Variants in RGL1 observed in about 807,000 individuals in gnomAD.
RGL1 encodes ral guanine nucleotide dissociation stimulator-like 1.
RGL1 carries 24 observed loss-of-function variants against 95.2 expected under a neutral mutation model. That is an observed-to-expected ratio of 0.25 (90% CI 0.18 to 0.35). The LOEUF is 0.35. RGL1 is among the 10% of genes least tolerant of loss of function. The pLI, the probability that RGL1 is intolerant of heterozygous loss-of-function variation, is 1.00. For missense variants in RGL1, 715 were observed against 936.3 expected, an observed-to-expected ratio of 0.76 and a Z score of 3.08; for synonymous variants, 329 against 344.9, an observed-to-expected ratio of 0.95 and a Z score of 0.51.
chr1:183,816,797 T>C (rs1662121391), intron 2 of RGL1, among the ~76,000 whole-genome samples: 1 of 152,188 alleles, frequency 6.6e-6, no homozygotes, highest in Admixed American at 6.5e-5. Flanking sequence ...CTTTGTTTTC[T>C]TCCCACTTGC....
chr1:183,764,408 G>T (rs1043545711), intron 2 of RGL1, among the ~76,000 whole-genome samples: 15 of 152,154 alleles, frequency 9.9e-5, no homozygotes, highest in African/African-American at 3.4e-4. Context: ...TGGGTGAGGG[G>T]TCTGGCATCC....
At chr1:183,737,481 G>A (rs998941549) in intron 1 of RGL1, among the ~76,000 whole-genome samples, 1 of 152,002 alleles carries the variant, frequency 6.6e-6, no homozygotes, top group African/African-American at 2.4e-5. Flanking sequence ...TAGGCACAGT[G>A]GCTCATGCCT....
intron 1 of RGL1, among the ~76,000 whole-genome samples, chr1:183,664,829 G>T (rs1033760936): frequency 1.3e-5 from 2 of 152,008 alleles, no homozygotes; most frequent in Non-Finnish European, 2.9e-5. Flanking sequence ...CATGTCATCT[G>T]CAAACAAAGA....
At chr1:183,846,518 C>T (rs997407557) in intron 2 of RGL1, among the ~76,000 whole-genome samples, 2 of 151,546 alleles carry the variant, frequency 1.3e-5, no homozygotes, top group African/African-American at 4.9e-5. Context: ...GCATATGTAT[C>T]CCAGCACTTA....
At chr1:183,693,373 G>A (rs994828207) in intron 1 of RGL1, among the ~76,000 whole-genome samples, 2 of 151,988 alleles carry the variant, frequency 1.3e-5, no homozygotes, top group African/African-American at 2.4e-5. Context: ...GAATGTCTTA[G>A]GTTGGTGGAA....
intron 12 of RGL1, among the ~76,000 whole-genome samples, chr1:183,903,975 T>C (rs1476243134): frequency 1.3e-5 from 2 of 152,190 alleles, no homozygotes; most frequent in East Asian, 3.8e-4. Context: ...AATCTACCAG[T>C]TCTTGAGTTA....
At chr1:183,697,407 C>T (rs1006701119) in intron 1 of RGL1, among the ~76,000 whole-genome samples, 2 of 152,086 alleles carry the variant, frequency 1.3e-5, no homozygotes, top group African/African-American at 4.8e-5. Flanking sequence ...TACTAGTGTG[C>T]AGTTTCCTCA....
chr1:183,837,446 GGA>G (rs1256725440), intron 2 of RGL1, among the ~76,000 whole-genome samples: 1 of 152,106 alleles, frequency 6.6e-6, no homozygotes, highest in Non-Finnish European at 1.5e-5. Context: ...GAAAAAGGAG[GGA>G]GCTATGAATT....
intron 2 of RGL1, among the ~76,000 whole-genome samples, chr1:183,826,076 C>T (rs4652827): frequency 0.67 from 99,994 of 150,076 alleles, 34,979 homozygotes; most frequent in Middle Eastern, 0.82. Flanking sequence ...TTTTTTGAGA[C>T]GGAGTCTCAC....
chr1:183,796,748 A>G (rs1259089869), intron 2 of RGL1, among the ~76,000 whole-genome samples: 1 of 152,212 alleles, frequency 6.6e-6, no homozygotes, highest in Non-Finnish European at 1.5e-5. Context: ...CTAATTGCCC[A>G]GTAACTCCTT....
intron 4 of RGL1, among the ~76,000 whole-genome samples, chr1:183,874,510 G>T (rs192798907): frequency 6.8e-6 from 1 of 146,650 alleles, no homozygotes; most frequent in South Asian, 2.2e-4. Flanking sequence ...TGCCGTGGAG[G>T]TTTTTTTTTT....
intron 3 of RGL1, among the ~76,000 whole-genome samples, chr1:183,855,867 A>G (rs903443951): frequency 3.9e-5 from 6 of 152,098 alleles, no homozygotes; most frequent in African/African-American, 1.4e-4. Context: ...AACTTCCATC[A>G]CTTACATAGG....
chr1:183,717,301 G>T (rs1337150268), intron 1 of RGL1, among the ~76,000 whole-genome samples: 2 of 152,152 alleles, frequency 1.3e-5, no homozygotes, highest in Non-Finnish European at 2.9e-5. Flanking sequence ...ATTGTTCCAA[G>T]TGTAGAAACC....
intron 1 of RGL1, among the ~76,000 whole-genome samples, chr1:183,674,087 A>T (rs868017374): frequency 6.6e-6 from 1 of 152,112 alleles, no homozygotes; most frequent in Non-Finnish European, 1.5e-5. Flanking sequence ...TCCTGGACTC[A>T]TCTTTCCACA....
chr1:183,719,861 G>T (rs1004337686), intron 1 of RGL1, among the ~76,000 whole-genome samples: 7 of 152,082 alleles, frequency 4.6e-5, no homozygotes, highest in African/African-American at 1.7e-4. Flanking sequence ...AGCCGGGATT[G>T]TGCCACTGCA....
At chr1:183,833,318 A>G (rs1006820070) in intron 2 of RGL1, among the ~76,000 whole-genome samples, 9 of 152,294 alleles carry the variant, frequency 5.9e-5, no homozygotes, top group Non-Finnish European at 1.3e-4. Flanking sequence ...CTGTTATCCC[A>G]TCAATAAACC....
chr1:183,863,613 A>G (rs1405730413), intron 3 of RGL1, among the ~76,000 whole-genome samples: 2 of 152,166 alleles, frequency 1.3e-5, no homozygotes, highest in African/African-American at 4.8e-5. Context: ...TATCCAAGAT[A>G]GTGTAGTTGG....
intron 1 of RGL1, among the ~76,000 whole-genome samples, chr1:183,715,246 C>T (rs920115560): frequency 4.6e-5 from 7 of 152,250 alleles, no homozygotes; most frequent in South Asian, 2.1e-4. Context: ...ACAAATTCTA[C>T]ATTTGATCTT....
At chr1:183,894,474 A>T (rs550729272) in intron 9 of RGL1, among the ~76,000 whole-genome samples, 9 of 152,338 alleles carry the variant, frequency 5.9e-5, no homozygotes, top group South Asian at 4.1e-4. Context: ...TGGGCAGTCC[A>T]TGTATATCTG....
Sources: allele counts gnomAD v4.1 joint callset (sites outside exome capture counted in the v4.1 genomes callset), GRCh38; gene constraint gnomAD v4.1.1; transcripts MANE v1.5; gene names NCBI Gene and HGNC (gene_info 2026-07-23, HGNC 2026-07-21).